Variants in ABCB1 observed in about 807,000 individuals in gnomAD.
The protein encoded by ABCB1 is ATP-dependent translocase ABCB1.
ABCB1 carries 69 observed loss-of-function variants against 142.0 expected under a neutral mutation model. That is an observed-to-expected ratio of 0.49 (90% CI 0.40 to 0.59). The LOEUF is 0.59. Among genes scored for constraint, ABCB1 ranks in the 20% least tolerant of loss-of-function variants. The pLI, the probability that ABCB1 is intolerant of heterozygous loss-of-function variation, is 0.00. For synonymous variants in ABCB1, 532 were observed against 539.2 expected (o/e 0.99, Z 0.18); for missense variants, 1,326 against 1,554.7 (o/e 0.85, Z 2.47).
intron 14 of ABCB1, among the ~76,000 whole-genome samples, chr7:87,546,226 A>G (rs548992117): frequency 6.6e-6 from 1 of 152,368 alleles, no homozygotes; most frequent in East Asian, 1.9e-4. Flanking sequence ...ACAAACACAA[A>G]TATAACAGTC....
chr7:87,681,371 A>C (rs1035662520), intron 1 of ABCB1, among the ~76,000 whole-genome samples: 1 of 150,590 alleles, frequency 6.6e-6, no homozygotes, highest in African/African-American at 2.5e-5. Context: ...ATATTACAAG[A>C]AAAGGAAACT....
chr7:87,568,957 T>G (rs1431661074), intron 5 of ABCB1, among the ~76,000 whole-genome samples: 2 of 152,188 alleles, frequency 1.3e-5, no homozygotes, highest in African/African-American at 4.8e-5. Flanking sequence ...TTCTGTTTCA[T>G]TTTCCCCAAT....
chr7:87,594,285 A>G (rs1296921591), intron 3 of ABCB1, among the ~76,000 whole-genome samples: 1 of 152,168 alleles, frequency 6.6e-6, no homozygotes. Flanking sequence ...GAATAATAAT[A>G]GTATCTTTCT....
chr7:87,522,356 C>T (rs1437520446), intron 21 of ABCB1: 1 of 727,016 alleles, frequency 1.4e-6, no homozygotes, highest in Non-Finnish European at 2.5e-6. Flanking sequence ...ACCATGAAAC[C>T]AAGGTGGCTA....
At chr7:87,505,876 G>A (rs1223716690) in intron 27 of ABCB1, 21 bp downstream of exon 27, 1 of 1,613,928 alleles carries the variant, frequency 6.2e-7, no homozygotes, top group South Asian at 1.1e-5. Context: ...AAGTATGGAT[G>A]AACCCAATTT....
Position 87,572,215 on chromosome 7 carries a change from C to T in ABCB1, c.287-1992G>A, listed in dbSNP as rs1453013331. On this transcript the variant is annotated intron_variant, in intron 4 of 27. Transcript: ENST00000622132. ...TGTCTCTATATAGTATTAATTGTTG[C>T]CAGTATGTCACTACCAAATGAAGAC... Among the ~76,000 whole-genome samples, 8 of 152,060 alleles carry T rather than the reference C, an allele frequency of 5.3e-5. No individual in the cohort carries two copies. The South Asian group carries it at 1.5e-3, about 28-fold the overall frequency.
chr7:87,688,578 G>T (rs1466141646), intron 1 of ABCB1, among the ~76,000 whole-genome samples: 1 of 151,710 alleles, frequency 6.6e-6, no homozygotes, highest in Non-Finnish European at 1.5e-5. Flanking sequence ...ATTTTGATCA[G>T]TAGTGACCTT....
chr7:87,624,808 C>T (rs1820347018), intron 1 of ABCB1, among the ~76,000 whole-genome samples: 1 of 152,042 alleles, frequency 6.6e-6, no homozygotes, highest in Admixed American at 6.5e-5. Context: ...ATGAGAAAAG[C>T]CTTATCAAAT....
chr7:87,600,266 C>G (rs977707898), intron 1 of ABCB1, 76 bp from the exon 2 acceptor site: 3 of 1,231,946 alleles, frequency 2.4e-6, no homozygotes, highest in Admixed American at 3.8e-5. Context: ...CCTCTAGTCC[C>G]CCGTCGAAGC....
intron 1 of ABCB1, among the ~76,000 whole-genome samples, chr7:87,692,156 C>A (rs1278737394): frequency 6.6e-6 from 1 of 151,976 alleles, no homozygotes; most frequent in Non-Finnish European, 1.5e-5. Flanking sequence ...AAAAAAATAA[C>A]CAACATTATC....
Position 87,650,815 on chromosome 7 carries a change from T to C in ABCB1, c.-330-49737A>G, listed in dbSNP as rs772599655. ...GCCTAAAAGCAACAATAATCTTTTTTTCATAGGTTTTCTGTGAAGACCCTG... is the reference window on the plus strand; with the variant it reads ...GCCTAAAAGCAACAATAATCTTTTTCTCATAGGTTTTCTGTGAAGACCCTG... On this transcript the variant is annotated intron_variant, in intron 1 of 28. Coordinates refer to the ABCB1 transcript ENST00000265724. 3.2e-6 allele frequency: 5 copies of C among 1,560,112 alleles called. No homozygotes were observed. In the South Asian group the frequency reaches 5.6e-5, roughly 17 times the overall value.
chr7:87,524,216 T>C (rs956080827), intron 21 of ABCB1, among the ~76,000 whole-genome samples: 1 of 152,006 alleles, frequency 6.6e-6, no homozygotes, highest in South Asian at 2.1e-4. Context: ...AAAAATAAAA[T>C]TTAAAATATT....
rs1816963356 is a variant in ABCB1 at position 87,549,738 on chromosome 7, C to T, written c.1554+113G>A. The stretch of plus-strand genomic sequence containing the variant: ...TCAAATCTGAAGTAATCTTACTTTC[C>T]CTTCTTAGGATTTCCCTTCTTCCGA... On this transcript the variant is annotated intron_variant, in intron 13 of 27. Coordinates refer to ENST00000622132, the MANE Select transcript of ABCB1 (RefSeq NM_001348946.2). 2.1e-6 allele frequency: 3 copies of T among 1,398,368 alleles called. No homozygotes were observed. The South Asian group carries it at 3.5e-5, about 16-fold the overall frequency. 86.6% of individuals were successfully genotyped at this position (1,398,368 alleles called of 1,614,324 possible). A position where few individuals can be genotyped will look rare whatever the true frequency, so the allele number is the denominator to read the frequency against.
chr7:87,655,989 T>A (rs1362979915), intron 1 of ABCB1, among the ~76,000 whole-genome samples: 1 of 152,130 alleles, frequency 6.6e-6, no homozygotes, highest in Non-Finnish European at 1.5e-5. Context: ...AGGTACCACC[T>A]TGGAAGCAGA....
chr7:87,637,562 T>C (rs1203658205), intron 1 of ABCB1, among the ~76,000 whole-genome samples: 1 of 152,136 alleles, frequency 6.6e-6, no homozygotes, highest in Non-Finnish European at 1.5e-5. Flanking sequence ...ATAACCTATT[T>C]CTTTATATGT....
At chr7:87,676,961 A>T (rs1826429897) in intron 1 of ABCB1, among the ~76,000 whole-genome samples, 1 of 152,156 alleles carries the variant, frequency 6.6e-6, no homozygotes, top group Admixed American at 6.5e-5. Context: ...CAGTATAAAA[A>T]ACAATCAAAA....
intron 22 of ABCB1, among the ~76,000 whole-genome samples, chr7:87,519,790 T>G (rs1312093679): frequency 2.0e-5 from 3 of 152,218 alleles, no homozygotes; most frequent in African/African-American, 7.2e-5. Flanking sequence ...TCCCCACTTT[T>G]GGACACACAG....
chr7:87,600,373 A>G (rs984759705), intron 1 of ABCB1, among the ~76,000 whole-genome samples, 183 bp from the exon 2 acceptor site: 30 of 152,192 alleles, frequency 2.0e-4, no homozygotes, highest in Admixed American at 2.0e-3. Context: ...GGTCTCCAGC[A>G]TCTCCACGAA....
chr7:87,667,341 C>T (rs1207223804), intron 1 of ABCB1, among the ~76,000 whole-genome samples: 1 of 150,886 alleles, frequency 6.6e-6, no homozygotes, highest in Non-Finnish European at 1.5e-5. Context: ...GATTTTGTAT[C>T]CTGCAACTTT....
Sources: gnomAD v4.1 joint callset for allele counts (sites outside exome capture counted in the v4.1 genomes callset) on GRCh38, gnomAD v4.1.1 for gene constraint, MANE v1.5 for transcripts, NCBI Gene and HGNC (gene_info 2026-07-23, HGNC 2026-07-21) for gene names.